Variants in TRIM2 observed in about 807,000 individuals in gnomAD.
TRIM2 encodes tripartite motif containing 2, also known as tripartite motif-containing protein 2.
Under a neutral mutation model 75.2 loss-of-function variants are expected in TRIM2, and 20 were observed. The observed-to-expected ratio is 0.27, with a 90% CI of 0.19 to 0.39. TRIM2 has a LOEUF of 0.39. Among genes scored for constraint, TRIM2 ranks in the 10% least tolerant of loss-of-function variants. The pLI is 1.00. For synonymous variants in TRIM2, 373 were observed against 388.3 expected (o/e 0.96, Z 0.46); for missense variants, 660 against 990.8 (o/e 0.67, Z 4.48).
intron 10 of TRIM2, among the ~76,000 whole-genome samples, chr4:153,328,067 A>G (rs1261295671): frequency 1.3e-5 from 2 of 152,216 alleles, no homozygotes; most frequent in East Asian, 3.8e-4. Context: ...TAGTAAAATG[A>G]TAATAAATTC....
chr4:153,279,947 A>G (rs1411692548), intron 3 of TRIM2, among the ~76,000 whole-genome samples: 1 of 151,308 alleles, frequency 6.6e-6, no homozygotes, highest in East Asian at 1.9e-4. Flanking sequence ...TGTCTCAAAA[A>G]AAAAAAAAAA....
intron 1 of TRIM2, among the ~76,000 whole-genome samples, chr4:153,268,216 G>A (rs766859454): frequency 6.6e-6 from 1 of 152,216 alleles, no homozygotes; most frequent in Admixed American, 6.5e-5. Context: ...TTGTTATCGC[G>A]AAGAGCAATT....
intron 3 of TRIM2, among the ~76,000 whole-genome samples, chr4:153,280,314 AG>A (rs1452488551): frequency 6.6e-6 from 1 of 152,044 alleles, no homozygotes; most frequent in African/African-American, 2.4e-5. Context: ...TAGAACAAAA[AG>A]AAAATCATTA....
At chr4:153,328,698 T>A in intron 11 of TRIM2, 28 bp downstream of exon 11, 1 of 1,549,728 alleles carries the variant, frequency 6.5e-7, no homozygotes, top group East Asian at 2.4e-5. Flanking sequence ...TGTATATGGT[T>A]AGAGTGTTTG....
At chr4:153,334,742 A>T in intron 11 of TRIM2, 72 bp from the exon 12 acceptor site, 11 of 1,334,806 alleles carry the variant, frequency 8.2e-6, no homozygotes, top group Middle Eastern at 1.9e-4. Flanking sequence ...TAGCATCAAG[A>T]GTTTTCTAAC....
chr4:153,287,895 A>G (rs368558313), intron 3 of TRIM2, among the ~76,000 whole-genome samples: 99 of 152,118 alleles, frequency 6.5e-4, no homozygotes, highest in African/African-American at 2.2e-3. Context: ...GACCCAGGTT[A>G]CTTTGTAGTG....
chr4:153,307,411 C>T (rs1163188078), intron 6 of TRIM2, among the ~76,000 whole-genome samples: 4 of 152,064 alleles, frequency 2.6e-5, no homozygotes, highest in South Asian at 2.1e-4. Context: ...TGTAAAATCG[C>T]TTAGCATGAA....
chr4:153,304,790 A>G (rs1034986065), intron 6 of TRIM2, among the ~76,000 whole-genome samples: 2 of 152,216 alleles, frequency 1.3e-5, no homozygotes, highest in African/African-American at 4.8e-5. Context: ...TGCATTCTGC[A>G]AGCTCCAGTG....
chr4:153,306,417 G>C (rs1297665727), intron 6 of TRIM2, among the ~76,000 whole-genome samples: 1 of 152,202 alleles, frequency 6.6e-6, no homozygotes, highest in African/African-American at 2.4e-5. Flanking sequence ...TGTCAGTTTT[G>C]ATCTTCCAGG....
intron 1 of TRIM2, among the ~76,000 whole-genome samples, chr4:153,267,920 G>A (rs966422807): frequency 6.6e-6 from 1 of 152,206 alleles, no homozygotes; most frequent in African/African-American, 2.4e-5. Context: ...CTGTGCAGGA[G>A]ACCAGAGTTT....
rs1195914330 is a variant in TRIM2, at chr4:153,338,374, G to A, written c.*3408G>A. 1 of 985,698 alleles carries A rather than the reference G, an allele frequency of 1.0e-6. No individual in the cohort carries two copies. The highest frequency in any genetic ancestry group is 1.2e-6 in the Non-Finnish European group (1 of 829,886). The allele number at this position is 985,698 out of a possible 1,614,324, so 61.1% of individuals were successfully genotyped here. On this transcript the variant is annotated 3_prime_UTR_variant, in exon 12 of 12. Coordinates refer to ENST00000338700, the MANE Select transcript of TRIM2 (RefSeq NM_015271.5). The stretch of plus-strand genomic sequence containing the variant: ...CTATTCACTAGCTTCTGAAAAGGGA[G>A]GAGTATTTTTAGTTTGACAATTTAA...
chr4:153,278,811 A>AT (rs1413829825), intron 3 of TRIM2, among the ~76,000 whole-genome samples: 1 of 152,014 alleles, frequency 6.6e-6, no homozygotes, highest in Non-Finnish European at 1.5e-5. Context: ...AAAAAAAAAA[A>AT]AAATTAAGAA....
intron 11 of TRIM2, among the ~76,000 whole-genome samples, chr4:153,333,696 A>G (rs1181883372): frequency 2.6e-5 from 4 of 152,226 alleles, no homozygotes; most frequent in Non-Finnish European, 5.9e-5. Context: ...GAATTCAACC[A>G]AATACAGATC....
At chr4:153,244,514 G>C (rs1185679345) in intron 1 of TRIM2, among the ~76,000 whole-genome samples, 1 of 145,426 alleles carries the variant, frequency 6.9e-6, no homozygotes, top group South Asian at 2.2e-4. Context: ...TCCTGCCTCA[G>C]TCTCCAAAGT....
chr4:153,282,823 C>A (rs1399404880), intron 3 of TRIM2, among the ~76,000 whole-genome samples: 2 of 151,738 alleles, frequency 1.3e-5, no homozygotes, highest in African/African-American at 2.4e-5. Context: ...AAGTCTCACT[C>A]TGTCACCCAG....
At chr4:153,206,637 ACCATTGG>A (rs1343304781) in intron 1 of TRIM2, among the ~76,000 whole-genome samples, 2 of 151,984 alleles carry the variant, frequency 1.3e-5, no homozygotes, top group African/African-American at 2.4e-5. Flanking sequence ...GATTGATCAA[ACCATTGG>A]CCATCGGTGA....
chr4:153,167,233 T>G (rs930284020), intron 1 of TRIM2, among the ~76,000 whole-genome samples: 5 of 152,258 alleles, frequency 3.3e-5, no homozygotes, highest in African/African-American at 9.6e-5. Flanking sequence ...AGTTTTGTAC[T>G]GTAAGAATGC....
intron 1 of TRIM2, among the ~76,000 whole-genome samples, chr4:153,183,653 G>T (rs1254994477): frequency 6.6e-6 from 1 of 152,212 alleles, no homozygotes; most frequent in Non-Finnish European, 1.5e-5. Flanking sequence ...TCATATGAGA[G>T]GACGGGCTGG....
chr4:153,197,976 C>T (rs1297356077), intron 1 of TRIM2, among the ~76,000 whole-genome samples: 4 of 152,202 alleles, frequency 2.6e-5, no homozygotes, highest in Non-Finnish European at 4.4e-5. Context: ...AAAACAGGCC[C>T]TCACCAATGT....
Sources: allele counts gnomAD v4.1 joint callset (sites outside exome capture counted in the v4.1 genomes callset), GRCh38; gene constraint gnomAD v4.1.1; transcripts MANE v1.5; gene names NCBI Gene and HGNC (gene_info 2026-07-23, HGNC 2026-07-21).